PCDHA1: variants seen among roughly 807,000 people sequenced by gnomAD.
PCDHA1 encodes the protein protocadherin alpha 1.
Under a neutral mutation model 61.3 loss-of-function variants are expected in PCDHA1, and 42 were observed. The ratio of observed to expected loss-of-function variants is 0.69; its 90% CI spans 0.54 to 0.89. The LOEUF (loss-of-function observed/expected upper bound fraction) is 0.89. Among genes scored for constraint, PCDHA1 ranks in the 40% least tolerant of loss-of-function variants. The pLI is 0.00. For missense variants in PCDHA1, 1,256 were observed against 1,235.3 expected (o/e 1.02, Z -0.25); for synonymous variants, 610 against 553.8 (o/e 1.10, Z -1.43).
At position 140,858,391 on chromosome 5, in the gene PCDHA1, T is replaced by G. The variant is rs1214576702; in HGVS notation, c.2394+69707T>G. ...GCCTTCCACCATGCCCAATGGTAGA[T>G]GTGGACGGGGAAGATCAGTCTATTG... On this transcript the variant is annotated intron_variant, in intron 1 of 3. Transcript: ENST00000504120. 2.5e-6 allele frequency: 4 copies of G among 1,577,710 alleles called. 1 individual carries two copies. The highest frequency in any genetic ancestry group is 3.5e-6 in the Non-Finnish European group (4 of 1,154,364).
rs374162485 is a variant in PCDHA1 at position 140,856,517 on chromosome 5, T to A, written c.2394+67833T>A. 8 of 1,598,368 alleles carry A rather than the reference T, an allele frequency of 5.0e-6. 1 individual carries two copies. Among genetic ancestry groups the A allele is most frequent in the Non-Finnish European group, 6.0e-6 (7 of 1,167,940 alleles). On this transcript the variant is annotated intron_variant, in intron 1 of 3. Coordinates refer to ENST00000504120, the MANE Select transcript of PCDHA1 (RefSeq NM_018900.4). ...CTCTCGATTTCCACTAGAAGGCGCA[T>A]CTGATGCGGATGTTGGAGAGAACGC...
chr5:140,842,933 C>A (rs1356851691), intron 1 of PCDHA1: 6 of 1,594,424 alleles, frequency 3.8e-6, no homozygotes, highest in Non-Finnish European at 4.3e-6. Context: ...GGTGAGCGCG[C>A]GCGACGCGGG....
At chr5:140,852,822 T>C in intron 1 of PCDHA1, 1 of 971,316 alleles carries the variant, frequency 1.0e-6, no homozygotes, top group East Asian at 1.1e-4. Flanking sequence ...CCCTAAGTCC[T>C]CCAGTCTCCT....
At chr5:140,795,303 G>T in intron 1 of PCDHA1, 2 of 1,614,238 alleles carry the variant, frequency 1.2e-6, no homozygotes, top group Non-Finnish European at 1.7e-6. Context: ...TGGACAGGCC[G>T]CTGCAGGTTT....
intron 1 of PCDHA1, among the ~76,000 whole-genome samples, chr5:140,831,441 C>T (rs2150194454): frequency 8.6e-5 from 13 of 151,182 alleles, no homozygotes; most frequent in Non-Finnish European, 1.8e-4. Flanking sequence ...CTCACTGCAC[C>T]CTCGAATGCC....
intron 3 of PCDHA1, 116 bp from the exon 4 acceptor site, chr5:141,009,511 G>A (rs2098410295): frequency 2.7e-5 from 41 of 1,498,054 alleles, no homozygotes; most frequent in Admixed American, 9.3e-5. Context: ...CAAACAACTC[G>A]TGATTTTTCT....
intron 1 of PCDHA1, among the ~76,000 whole-genome samples, chr5:140,838,114 GT>G (rs1730609309): frequency 6.7e-6 from 1 of 149,566 alleles, no homozygotes; most frequent in Non-Finnish European, 1.5e-5. Context: ...GTGTGTGTGT[GT>G]GTGTGTGTGT....
At position 140,842,609 on chromosome 5, in the gene PCDHA1, G is replaced by C. The variant is rs534936483; in HGVS notation, c.2394+53925G>C. The stretch of plus-strand genomic sequence containing the variant: ...TGAGTTGGTGGTAACCGCGCGGGAC[G>C]GGGGCTCGCCTTCGCTGTGGGCCAC... On this transcript the variant is annotated intron_variant, in intron 1 of 3. Coordinates refer to ENST00000504120, the MANE Select transcript of PCDHA1 (RefSeq NM_018900.4). 11 of 1,595,750 alleles carry C rather than the reference G, an allele frequency of 6.9e-6. 2 individuals are homozygous for C. Among genetic ancestry groups the C allele is most frequent in the Non-Finnish European group, 7.7e-6 (9 of 1,165,644 alleles).
chr5:140,872,452 T>G (rs1459875737), intron 1 of PCDHA1, among the ~76,000 whole-genome samples: 1 of 151,968 alleles, frequency 6.6e-6, no homozygotes, highest in East Asian at 1.9e-4. Context: ...CATAGCGAGA[T>G]CCTGTCTCTA....
chr5:140,923,055 A>G (rs1233279179), intron 1 of PCDHA1, among the ~76,000 whole-genome samples: 1 of 152,236 alleles, frequency 6.6e-6, no homozygotes, highest in African/African-American at 2.4e-5. Flanking sequence ...TTTAGAATAA[A>G]AGAGCTAGGT....
At chr5:140,983,408 A>C (rs1554245369) in intron 3 of PCDHA1, among the ~76,000 whole-genome samples, 1 of 152,208 alleles carries the variant, frequency 6.6e-6, no homozygotes, top group East Asian at 1.9e-4. Context: ...GGGAAGATTA[A>C]GTGTTGGTAG....
intron 1 of PCDHA1, chr5:140,797,481 T>C: frequency 9.3e-7 from 1 of 1,074,610 alleles, no homozygotes; most frequent in African/African-American, 1.6e-5. Context: ...CGATTTTGAA[T>C]ATGAATTAGA....
intron 1 of PCDHA1, chr5:140,807,860 ACCG>A: frequency 6.2e-7 from 1 of 1,614,160 alleles, no homozygotes. Flanking sequence ...GTTGACTGGC[ACCG>A]TTCAGTTACT....
intron 1 of PCDHA1, among the ~76,000 whole-genome samples, chr5:140,962,088 T>C (rs893852980): frequency 6.6e-6 from 1 of 152,092 alleles, no homozygotes; most frequent in Non-Finnish European, 1.5e-5. Flanking sequence ...GGTTTCACCA[T>C]GTTAGCCAGG....
At position 140,824,400 on chromosome 5, in the gene PCDHA1, T is replaced by C. The variant is rs1554129880; in HGVS notation, c.2394+35716T>C. The C allele has an allele frequency of 7.3e-6, 4 of 544,444 alleles. No homozygotes were observed. The African/African-American group carries it at 7.7e-5, about 10-fold the overall frequency. The allele number at this position is 544,444 out of a possible 1,614,324, so 33.7% of individuals were successfully genotyped here. On this transcript the variant is annotated intron_variant, in intron 1 of 3. Transcript: ENST00000504120. ...CATCTCTAAAAATGTAGGATAATAA[T>C]TGTAAGACATAGTTTGGAGTCATTC...
chr5:141,000,395 C>CTCTATAAATA (rs1213762225), intron 3 of PCDHA1, among the ~76,000 whole-genome samples: 2 of 53,986 alleles, frequency 3.7e-5, no homozygotes, highest in African/African-American at 1.5e-4. Flanking sequence ...CTCTCTCTCT[C>CTCTATAAATA]TATATATATA....
chr5:140,796,783 C>G (rs782135043), intron 1 of PCDHA1: 5 of 1,614,144 alleles, frequency 3.1e-6, no homozygotes, highest in Non-Finnish European at 4.2e-6. Context: ...CAACGCGTGG[C>G]TTTCGTACGA....
chr5:140,830,479 T>G (rs2150187102), intron 1 of PCDHA1: 10 of 1,522,278 alleles, frequency 6.6e-6, no homozygotes, highest in Non-Finnish European at 8.8e-6. Flanking sequence ...AAGATCATGA[T>G]GCCAAAGTAA....
Position 140,829,383 on chromosome 5 carries a change from G to C in PCDHA1, c.2394+40699G>C. On this transcript the variant is annotated intron_variant, in intron 1 of 3. Coordinates refer to ENST00000504120, the MANE Select transcript of PCDHA1 (RefSeq NM_018900.4). ...TTGGTGGTAACCGCGCGGGACGGGGGCTCGCCTTCGCTGTGGGCCACCGCC... is the reference window on the plus strand; with the variant it reads ...TTGGTGGTAACCGCGCGGGACGGGGCCTCGCCTTCGCTGTGGGCCACCGCC... 2 of 1,614,186 alleles carry C rather than the reference G, an allele frequency of 1.2e-6. No homozygotes were observed. The highest frequency in any genetic ancestry group is 1.7e-4 in the Middle Eastern group (1 of 6,044).
Sources: gnomAD v4.1 joint callset for allele counts (sites outside exome capture counted in the v4.1 genomes callset) on GRCh38, gnomAD v4.1.1 for gene constraint, MANE v1.5 for transcripts, NCBI Gene and HGNC (gene_info 2026-07-23, HGNC 2026-07-21) for gene names.